PPARGC1A: variants seen among roughly 807,000 people sequenced by gnomAD.
The protein encoded by PPARGC1A is PPARG coactivator 1 alpha.
Under a neutral mutation model 88.7 loss-of-function variants are expected in PPARGC1A, and 25 were observed. The observed-to-expected ratio is 0.28, with a 90% confidence interval of 0.21 to 0.39. The LOEUF is 0.39. PPARGC1A is among the 10% of genes least tolerant of loss of function. PPARGC1A has a pLI of 1.00. For synonymous variants in PPARGC1A, 363 were observed against 355.6 expected (o/e 1.02, Z -0.24); for missense variants, 880 against 968.7 (o/e 0.91, Z 1.22).
At chr4:23,857,376 A>T (rs1462016761) in intron 2 of PPARGC1A, among the ~76,000 whole-genome samples, 2 of 128,764 alleles carry the variant, frequency 1.6e-5, no homozygotes, top group African/African-American at 5.6e-5. Context: ...TGTGTGTGAC[A>T]CACACACACA....
At chr4:24,146,358 C>CAT in the PPARGC1A span, among the ~76,000 whole-genome samples, 8 of 152,334 alleles carry the variant, frequency 5.3e-5, 1 homozygote, top group South Asian at 1.2e-3. Context: ...CTGGCATGCA[C>CAT]ATTTGTGCAA....
chr4:24,179,299 T>C, the PPARGC1A span, among the ~76,000 whole-genome samples: 7 of 152,148 alleles, frequency 4.6e-5, no homozygotes, highest in Non-Finnish European at 7.4e-5. Context: ...AAGGCCATAA[T>C]GCTTCCCTCC....
chr4:23,909,006 A>G (rs1720406535), upstream of PPARGC1A, among the ~76,000 whole-genome samples: 1 of 152,340 alleles, frequency 6.6e-6, no homozygotes, highest in African/African-American at 2.4e-5. Flanking sequence ...GTCTGAGTAA[A>G]TAGAAGATCC....
intron 2 of PPARGC1A, among the ~76,000 whole-genome samples, chr4:23,878,864 T>A (rs892084458): frequency 1.3e-5 from 2 of 152,200 alleles, no homozygotes; most frequent in African/African-American, 4.8e-5. Context: ...AAGTACAACA[T>A]AAATTTTTAA....
chr4:23,934,342 G>C, the PPARGC1A span, among the ~76,000 whole-genome samples: 2 of 152,244 alleles, frequency 1.3e-5, no homozygotes, highest in Non-Finnish European at 2.9e-5. Context: ...CCTCCACTGT[G>C]CTATGCAGGA....
chr4:24,364,439 G>A, the PPARGC1A span, among the ~76,000 whole-genome samples: 1 of 152,156 alleles, frequency 6.6e-6, no homozygotes, highest in African/African-American at 2.4e-5. Flanking sequence ...GCTGCTTCCA[G>A]GGAGGTTGCC....
At chr4:24,291,218 A>T in the PPARGC1A span, among the ~76,000 whole-genome samples, 1 of 152,118 alleles carries the variant, frequency 6.6e-6, no homozygotes, top group East Asian at 1.9e-4. Context: ...TTTTAAAACA[A>T]ATCCAAACCT....
the PPARGC1A span, among the ~76,000 whole-genome samples, chr4:24,271,480 C>A: frequency 6.6e-6 from 1 of 152,134 alleles, no homozygotes; most frequent in Non-Finnish European, 1.5e-5. Flanking sequence ...CAGGTTCACG[C>A]CATTCTCCTG....
At chr4:24,362,350 CTGGATGGA>C in the PPARGC1A span, among the ~76,000 whole-genome samples, 272 of 149,066 alleles carry the variant, frequency 1.8e-3, no homozygotes, top group African/African-American at 6.2e-3. Flanking sequence ...GAACACATGA[CTGGATGGA>C]TGGATGGATG....
chr4:23,889,242 T>C, intron 1 of PPARGC1A: 1 of 985,424 alleles, frequency 1.0e-6, no homozygotes, highest in Non-Finnish European at 1.2e-6. Flanking sequence ...GATTTAACCA[T>C]TGGCTTCCCT....
At chr4:23,950,611 C>G in the PPARGC1A span, among the ~76,000 whole-genome samples, 1 of 152,084 alleles carries the variant, frequency 6.6e-6, no homozygotes, top group Non-Finnish European at 1.5e-5. Context: ...ATTATTTGAT[C>G]TTTGCTTGCC....
At chr4:24,250,421 AAGGAGAGATAC>A in the PPARGC1A span, among the ~76,000 whole-genome samples, 1 of 152,350 alleles carries the variant, frequency 6.6e-6, no homozygotes, top group Middle Eastern at 3.4e-3. Flanking sequence ...GACCATATCC[AAGGAGAGATAC>A]AGGAGAGATA....
chr4:24,190,688 C>T, the PPARGC1A span, among the ~76,000 whole-genome samples: 271 of 152,232 alleles, frequency 1.8e-3, 1 homozygote, highest in Non-Finnish European at 2.7e-3. Flanking sequence ...TTCCTCCATG[C>T]CATGTAGTTA....
the PPARGC1A span, among the ~76,000 whole-genome samples, chr4:23,910,588 G>A: frequency 1.1e-4 from 16 of 148,976 alleles, no homozygotes; most frequent in African/African-American, 3.7e-4. Flanking sequence ...TAAGAGGTAG[G>A]TGCCACCATG....
chr4:24,375,717 G>A, the PPARGC1A span, among the ~76,000 whole-genome samples: 1 of 152,148 alleles, frequency 6.6e-6, no homozygotes, highest in Non-Finnish European at 1.5e-5. Context: ...GGAATAAAAA[G>A]GGGGTCGCGA....
At chr4:23,994,508 G>A in the PPARGC1A span, among the ~76,000 whole-genome samples, 13 of 152,144 alleles carry the variant, frequency 8.5e-5, no homozygotes, top group Non-Finnish European at 1.9e-4. Flanking sequence ...AAGGGGGGGC[G>A]GTGAGAAGAG....
At chr4:24,369,254 A>G in the PPARGC1A span, among the ~76,000 whole-genome samples, 2 of 152,190 alleles carry the variant, frequency 1.3e-5, no homozygotes, top group African/African-American at 2.4e-5. Flanking sequence ...ATAGCTAAGA[A>G]GCCATCACAA....
the PPARGC1A span, among the ~76,000 whole-genome samples, chr4:24,413,466 A>C: frequency 1.3e-5 from 2 of 152,224 alleles, no homozygotes; most frequent in Non-Finnish European, 2.9e-5. Flanking sequence ...AGAATCCCAG[A>C]GACAAAATCG....
At chr4:24,080,385 A>T in the PPARGC1A span, among the ~76,000 whole-genome samples, 1 of 151,948 alleles carries the variant, frequency 6.6e-6, no homozygotes. Flanking sequence ...TAATTTTTAT[A>T]TATTTATTTT....
Sources: allele counts gnomAD v4.1 joint callset (sites outside exome capture counted in the v4.1 genomes callset), GRCh38; gene constraint gnomAD v4.1.1; transcripts MANE v1.5; gene names NCBI Gene and HGNC (gene_info 2026-07-23, HGNC 2026-07-21).